The following DGKI variants were observed in gnomAD, a reference collection of about 807,000 sequenced individuals.
The protein encoded by DGKI is DAG kinase iota.
DGKI carries 55 observed loss-of-function variants against 147.5 expected under a neutral mutation model. The observed-to-expected ratio is 0.37, with a 90% CI of 0.30 to 0.47. The LOEUF is 0.47. Among genes scored for constraint, DGKI ranks in the 20% least tolerant of loss-of-function variants. The pLI, the probability that DGKI is intolerant of heterozygous loss-of-function variation, is 1.00. For synonymous variants in DGKI, 469 were observed against 477.1 expected (o/e 0.98, Z 0.22); for missense variants, 1,007 against 1,323.8 (o/e 0.76, Z 3.71).
intron 28 of DGKI, among the ~76,000 whole-genome samples, chr7:137,422,340 T>C (rs1249078153): frequency 6.6e-6 from 1 of 152,190 alleles, no homozygotes; most frequent in East Asian, 1.9e-4. Context: ...GGAAAATCTC[T>C]ATAACTCAAT....
intron 21 of DGKI, among the ~76,000 whole-genome samples, chr7:137,504,898 A>C (rs1456346087): frequency 6.6e-6 from 1 of 152,144 alleles, no homozygotes; most frequent in Non-Finnish European, 1.5e-5. Flanking sequence ...TAAAATCAAA[A>C]CTTCCACTCT....
intron 1 of DGKI, among the ~76,000 whole-genome samples, chr7:137,779,570 C>A (rs556252344): frequency 6.6e-6 from 1 of 152,016 alleles, no homozygotes; most frequent in African/African-American, 2.4e-5. Flanking sequence ...ATCTGATAAT[C>A]GATTTGTATC....
chr7:137,439,773 A>G (rs1357390773), intron 28 of DGKI, among the ~76,000 whole-genome samples: 1 of 152,060 alleles, frequency 6.6e-6, no homozygotes, highest in Non-Finnish European at 1.5e-5. Context: ...CATGTCCACT[A>G]TGTTACTGCT....
At chr7:137,783,125 A>G (rs1796570328) in intron 1 of DGKI, among the ~76,000 whole-genome samples, 1 of 152,226 alleles carries the variant, frequency 6.6e-6, no homozygotes, top group South Asian at 2.1e-4. Flanking sequence ...CCAAACCAAG[A>G]TGAAATCTCT....
Position 137,431,553 on chromosome 7 carries a change from G to A in DGKI, c.2761+12524C>T, listed in dbSNP as rs918893. 3.7e-3 allele frequency among the ~76,000 whole-genome samples: 563 copies of A among 152,286 alleles called. 3 individuals are homozygous for A. Among genetic ancestry groups the A allele is most frequent in the Non-Finnish European group, 6.1e-3 (414 of 68,024 alleles). Reference sequence around the variant, plus strand: ...AGGTGTGGCAACAGAAACTCCATTTGTCATCCCAAAGAGAAACAATATACT... The same window carrying A: ...AGGTGTGGCAACAGAAACTCCATTTATCATCCCAAAGAGAAACAATATACT... On this transcript the variant is annotated intron_variant, in intron 28 of 32. Transcript: ENST00000614521.
intron 3 of DGKI, among the ~76,000 whole-genome samples, chr7:137,676,594 A>G (rs1490011332): frequency 6.6e-6 from 1 of 152,032 alleles, no homozygotes; most frequent in Non-Finnish European, 1.5e-5. Context: ...TTTGGAGGAG[A>G]GTTCTTCATC....
At chr7:137,668,674 C>A (rs998592635) in intron 3 of DGKI, among the ~76,000 whole-genome samples, 4 of 152,052 alleles carry the variant, frequency 2.6e-5, no homozygotes, top group African/African-American at 9.7e-5. Context: ...AATAAGCGAG[C>A]AATTTTTAAA....
At chr7:137,786,517 C>A (rs1796673759) in intron 1 of DGKI, among the ~76,000 whole-genome samples, 1 of 151,998 alleles carries the variant, frequency 6.6e-6, no homozygotes, top group Non-Finnish European at 1.5e-5. Context: ...TGGGTAGAAT[C>A]AATATTGTGA....
intron 1 of DGKI, among the ~76,000 whole-genome samples, chr7:137,800,386 A>C (rs1350394046): frequency 2.0e-5 from 3 of 152,066 alleles, no homozygotes. Context: ...TGCTGTCCTC[A>C]GGATAGTGAG....
At chr7:137,408,433 A>G (rs897695226) in intron 29 of DGKI, among the ~76,000 whole-genome samples, 2 of 152,164 alleles carry the variant, frequency 1.3e-5, no homozygotes, top group African/African-American at 4.8e-5. Flanking sequence ...TGTGTCCTTC[A>G]GTTTTTCTTC....
intron 2 of DGKI, among the ~76,000 whole-genome samples, chr7:137,684,354 A>G (rs551708803): frequency 6.6e-6 from 1 of 152,356 alleles, no homozygotes; most frequent in South Asian, 2.1e-4. Context: ...TGTTGAAATA[A>G]TATTTTGAAT....
At chr7:137,772,659 A>G (rs548726771) in intron 1 of DGKI, among the ~76,000 whole-genome samples, 42 of 152,344 alleles carry the variant, frequency 2.8e-4, no homozygotes, top group African/African-American at 1.0e-3. Flanking sequence ...AAAAAAGAAG[A>G]AGAAAAAGAA....
chr7:137,474,997 G>A lies in DGKI; in HGVS notation c.2374-5378C>T, dbSNP rs536714961. Among the ~76,000 whole-genome samples, 230 of 152,244 alleles carry A rather than the reference G, an allele frequency of 1.5e-3. 1 individual carries two copies. Among genetic ancestry groups the A allele is most frequent in the African/African-American group, 5.1e-3 (210 of 41,552 alleles). On this transcript the variant is annotated intron_variant, in intron 23 of 32. Coordinates refer to ENST00000614521, the MANE Select transcript of DGKI (RefSeq NM_001321708.2). ...ACATAAAATGCTTAACCCATTTGCC[G>A]AAACATGTTTATGTGCAGATATAAT...
chr7:137,562,219 T>A (rs577495539), intron 19 of DGKI, among the ~76,000 whole-genome samples: 1 of 147,426 alleles, frequency 6.8e-6, no homozygotes, highest in Non-Finnish European at 1.5e-5. Flanking sequence ...TCATATGGAA[T>A]GTGAAAGATG....
chr7:137,544,713 A>T (rs893399223), intron 20 of DGKI, among the ~76,000 whole-genome samples: 1 of 152,144 alleles, frequency 6.6e-6, no homozygotes, highest in Admixed American at 6.5e-5. Context: ...CCAATCAATC[A>T]TTGTTTGGCT....
intron 27 of DGKI, among the ~76,000 whole-genome samples, chr7:137,459,877 G>T (rs1344162466): frequency 1.3e-5 from 2 of 151,292 alleles, no homozygotes; most frequent in South Asian, 4.2e-4. Flanking sequence ...CTTTACACTG[G>T]GATTCTTTTT....
intron 1 of DGKI, among the ~76,000 whole-genome samples, chr7:137,803,405 T>C (rs1797272366): frequency 6.6e-6 from 1 of 152,216 alleles, no homozygotes; most frequent in Admixed American, 6.5e-5. Context: ...TATTTTTGAT[T>C]CTGATATAGG....
At chr7:137,625,324 G>C (rs1474894851) in intron 6 of DGKI, among the ~76,000 whole-genome samples, 1 of 152,052 alleles carries the variant, frequency 6.6e-6, no homozygotes, top group East Asian at 1.9e-4. Context: ...GCTGGGCTTG[G>C]TGGCAGGCGC....
chr7:137,391,371 A>G, intron 32 of DGKI, 35 bp from the exon 33 acceptor site: 1 of 1,404,904 alleles, frequency 7.1e-7, no homozygotes, highest in Non-Finnish European at 9.7e-7. Context: ...AAAAAGAGAG[A>G]GAGAGATAGA....
Sources: allele counts gnomAD v4.1 joint callset (sites outside exome capture counted in the v4.1 genomes callset), GRCh38; gene constraint gnomAD v4.1.1; transcripts MANE v1.5; gene names NCBI Gene and HGNC (gene_info 2026-07-23, HGNC 2026-07-21).